Variants in CCDC73 observed in about 807,000 individuals in gnomAD.
CCDC73 encodes coiled-coil domain containing 73.
In CCDC73, 95 loss-of-function variants were observed where a neutral mutation model predicts 116.5. The ratio of observed to expected loss-of-function variants is 0.82; its 90% CI spans 0.69 to 0.97. CCDC73 has a LOEUF of 0.97. CCDC73 is among the 50% of genes least tolerant of loss of function. CCDC73 has a pLI of 0.00. For synonymous variants in CCDC73, 398 were observed against 401.3 expected, an observed-to-expected ratio of 0.99 and a Z score of 0.10; for missense variants, 1,066 against 1,206.8, an observed-to-expected ratio of 0.88 and a Z score of 1.73.
intron 6 of CCDC73, among the ~76,000 whole-genome samples, chr11:32,690,396 A>G (rs74737132): frequency 6.6e-6 from 1 of 152,130 alleles, no homozygotes; most frequent in Admixed American, 6.5e-5. Context: ...CCACACATAC[A>G]TAACCCCCAA....
chr11:32,641,564 AC>A (rs938587477), intron 13 of CCDC73, among the ~76,000 whole-genome samples: 7 of 151,932 alleles, frequency 4.6e-5, no homozygotes, highest in Non-Finnish European at 8.8e-5. Flanking sequence ...TCTCAACAAA[AC>A]TGCTGAGGAA....
chr11:32,800,413 G>T, the CCDC73 span, among the ~76,000 whole-genome samples: 764 of 152,184 alleles, frequency 5.0e-3, 4 homozygotes, highest in Middle Eastern at 0.01. Context: ...AACACAGTGA[G>T]ACTTCATCTA....
chr11:32,662,855 A>C (rs538291272), intron 9 of CCDC73, among the ~76,000 whole-genome samples: 1 of 151,994 alleles, frequency 6.6e-6, no homozygotes, highest in Non-Finnish European at 1.5e-5. Context: ...ATCTTGAATT[A>C]ATTTTTGTAT....
intron 1 of CCDC73, among the ~76,000 whole-genome samples, chr11:32,780,227 T>C (rs534737394): frequency 2.1e-4 from 32 of 152,166 alleles, no homozygotes; most frequent in African/African-American, 7.5e-4. Context: ...TGAGCCAAGA[T>C]TGCACGACTG....
At position 32,777,176 on chromosome 11, in the gene CCDC73, G is replaced by A. The variant is rs1351154376; in HGVS notation, c.-15-16918C>T. Among the ~76,000 whole-genome samples the A allele has an allele frequency of 4.9e-5, 7 of 144,314 alleles. 1 individual carries two copies. The highest frequency in any genetic ancestry group is 1.8e-4 in the African/African-American group (7 of 38,890). 94.7% of individuals were successfully genotyped at this position (144,314 alleles called of 152,430 possible). On this transcript the variant is annotated intron_variant, in intron 1 of 17. Transcript: ENST00000335185. Reference sequence around the variant, plus strand: ...TGTAGTGGTGCAATCTCAGATCTCAGCTCACTGCAACCTCCACCTCCTGTG... The same window carrying A: ...TGTAGTGGTGCAATCTCAGATCTCAACTCACTGCAACCTCCACCTCCTGTG...
chr11:32,822,001 A>G, the CCDC73 span, among the ~76,000 whole-genome samples: 1 of 152,080 alleles, frequency 6.6e-6, no homozygotes, highest in Non-Finnish European at 1.5e-5. Context: ...TAATTAATAC[A>G]TCTCTTCTTC....
At chr11:32,746,572 G>A (rs1242307013) in intron 2 of CCDC73, among the ~76,000 whole-genome samples, 2 of 152,154 alleles carry the variant, frequency 1.3e-5, no homozygotes, top group Non-Finnish European at 2.9e-5. Flanking sequence ...CCAATCAAAC[G>A]TAGATTTGGT....
At chr11:32,745,104 G>A (rs530911502) in intron 2 of CCDC73, among the ~76,000 whole-genome samples, 4 of 152,258 alleles carry the variant, frequency 2.6e-5, no homozygotes, top group African/African-American at 7.2e-5. Flanking sequence ...GGTACATTGC[G>A]TCTTTGTTCT....
At chr11:32,811,842 G>A in the CCDC73 span, among the ~76,000 whole-genome samples, 5 of 151,986 alleles carry the variant, frequency 3.3e-5, no homozygotes, top group Admixed American at 6.6e-5. Context: ...CTCCAGCATC[G>A]CGATCACATT....
intron 3 of CCDC73, among the ~76,000 whole-genome samples, chr11:32,708,202 T>A (rs943720483): frequency 6.6e-6 from 1 of 152,202 alleles, no homozygotes; most frequent in Admixed American, 6.5e-5. Context: ...TTGTCAGAGA[T>A]CAGTTGGCTG....
At chr11:32,663,656 T>C (rs1361699875) in intron 9 of CCDC73, among the ~76,000 whole-genome samples, 18 of 152,340 alleles carry the variant, frequency 1.2e-4, no homozygotes, top group Middle Eastern at 3.4e-3. Context: ...CTTTTCCTGA[T>C]TGAATACCCT....
intron 12 of CCDC73, among the ~76,000 whole-genome samples, chr11:32,646,583 A>G (rs1855781051): frequency 6.6e-6 from 1 of 152,180 alleles, no homozygotes; most frequent in African/African-American, 2.4e-5. Context: ...GAAGTCTGAA[A>G]CCTTGTGTTA....
chr11:32,640,947 C>T lies in CCDC73; in HGVS notation c.1050+1025G>A, dbSNP rs78618168. ...AGGAGAATGGTGTGAACCCAGGAGG[C>T]AGAGCTTGCAGTGAGCAGAGATCCG... On this transcript the variant is annotated intron_variant, in intron 13 of 17. Transcript: ENST00000335185. Among the ~76,000 whole-genome samples the T allele has an allele frequency of 3.8e-4, 57 of 151,880 alleles. 1 individual carries two copies. In the East Asian group the frequency reaches 0.011, roughly 28 times the overall value.
At chr11:32,819,475 T>TC in the CCDC73 span, among the ~76,000 whole-genome samples, 1 of 151,632 alleles carries the variant, frequency 6.6e-6, no homozygotes, top group African/African-American at 2.4e-5. Context: ...AGGTTTTTTT[T>TC]TTTTTTAAAT....
At chr11:32,704,403 C>T (rs118101264) in intron 3 of CCDC73, among the ~76,000 whole-genome samples, 1,889 of 152,336 alleles carry the variant, frequency 0.012, 147 homozygotes, top group Admixed American at 0.11. Flanking sequence ...TGCGCACACT[C>T]GGGGCAGCGC....
At chr11:32,692,983 C>T (rs368210389) in intron 6 of CCDC73, among the ~76,000 whole-genome samples, 5 of 152,290 alleles carry the variant, frequency 3.3e-5, no homozygotes, top group African/African-American at 1.2e-4. Flanking sequence ...CAAGCCCATC[C>T]CTTTGAAATG....
chr11:32,826,974 G>A, the CCDC73 span, among the ~76,000 whole-genome samples: 287 of 152,152 alleles, frequency 1.9e-3, no homozygotes, highest in African/African-American at 6.1e-3. Flanking sequence ...CGATTCTCCC[G>A]CCTCAGCCTC....
chr11:32,697,823 G>T (rs1671612980), intron 6 of CCDC73, among the ~76,000 whole-genome samples: 1 of 151,008 alleles, frequency 6.6e-6, no homozygotes, highest in East Asian at 1.9e-4. Flanking sequence ...TAACTTTTAG[G>T]TTCAGGGGTA....
intron 1 of CCDC73, among the ~76,000 whole-genome samples, chr11:32,781,570 CCT>C (rs1850585094): frequency 1.3e-5 from 2 of 152,102 alleles, no homozygotes; most frequent in Admixed American, 6.6e-5. Context: ...CCACAGATTC[CCT>C]CTCTCTTTCT....
Sources: allele counts gnomAD v4.1 joint callset (sites outside exome capture counted in the v4.1 genomes callset), GRCh38; gene constraint gnomAD v4.1.1; transcripts MANE v1.5; gene names NCBI Gene and HGNC (gene_info 2026-07-23, HGNC 2026-07-21).